MASP1: variants seen among roughly 807,000 people sequenced by gnomAD.
MASP1 encodes the protein MBL associated serine protease 1, also known as mannan-binding lectin serine protease 1.
MASP1 carries 59 observed loss-of-function variants against 77.1 expected under a neutral mutation model. The observed-to-expected ratio is 0.77, with a 90% CI of 0.62 to 0.95. The LOEUF (loss-of-function observed/expected upper bound fraction) is 0.95, where lower values mean the gene tolerates loss of function less well. MASP1 is among the 40% of genes least tolerant of loss of function. MASP1 has a pLI of 0.00. For synonymous variants in MASP1, 362 were observed against 354.5 expected (o/e 1.02, Z -0.24); for missense variants, 885 against 912.9 (o/e 0.97, Z 0.39).
chr3:187,219,656 A>T, exon 16 of MASP1: 1 of 261,106 alleles, frequency 3.8e-6, no homozygotes, highest in South Asian at 4.7e-5. Context: ...CCTGGTAGAC[A>T]CATCGACCTT....
chr3:187,220,770 T>G (rs1579453435), intron 15 of MASP1, among the ~76,000 whole-genome samples: 1 of 152,288 alleles, frequency 6.6e-6, no homozygotes, highest in Non-Finnish European at 1.5e-5. Context: ...AGTGCTGGGA[T>G]TACAGGCATG....
At position 187,281,597 on chromosome 3, in the gene MASP1, G is replaced by A. The variant is rs147664550; in HGVS notation, c.237+4228C>T. On this transcript the variant is annotated intron_variant, in intron 2 of 10. Coordinates refer to ENST00000296280, the MANE Select transcript of MASP1 (RefSeq NM_139125.4). ...CCAAGGCATCCCCAGCAGGCTGCAG[G>A]CTCCTACTGGAGTGCTTGCAGTTAT... 5.5e-4 allele frequency among the ~76,000 whole-genome samples: 84 copies of A among 152,360 alleles called. 2 individuals are homozygous for A. The Middle Eastern group carries it at 0.01, about 19-fold the overall frequency.
intron 8 of MASP1, among the ~76,000 whole-genome samples, chr3:187,248,110 G>A (rs1457786818): frequency 6.6e-6 from 1 of 152,176 alleles, no homozygotes; most frequent in African/African-American, 2.4e-5. Flanking sequence ...AAGATGCTGG[G>A]TATGACTGAA....
At chr3:187,221,918 T>C (rs1326896964) in intron 14 of MASP1, among the ~76,000 whole-genome samples, 1 of 152,186 alleles carries the variant, frequency 6.6e-6, no homozygotes, top group African/African-American at 2.4e-5. Context: ...TTGGAGTAGA[T>C]GTCTGGAATA....
rs1188871705 is a variant in MASP1, at chr3:187,291,706, G to A, written c.-74C>T. ...TGACTTGCCTGTGAGCTCGTGCCCGGTGTGGTGTCCGTGATGCCTTATCTT... is the reference window on the plus strand; with the variant it reads ...TGACTTGCCTGTGAGCTCGTGCCCGATGTGGTGTCCGTGATGCCTTATCTT... On this transcript the variant is annotated 5_prime_UTR_variant, in exon 1 of 11. Coordinates refer to ENST00000296280, the MANE Select transcript of MASP1 (RefSeq NM_139125.4). 2 of 1,582,580 alleles carry A rather than the reference G, an allele frequency of 1.3e-6. No individual in the cohort carries two copies.
Position 187,225,438 on chromosome 3 carries a change from G to A in MASP1, c.1627C>T (p.Gln543Ter), listed in dbSNP as rs371790448. The A allele has an allele frequency of 6.8e-6, 11 of 1,614,090 alleles. No homozygotes were observed. The African/African-American group carries it at 1.3e-4, about 20-fold the overall frequency. ...TTCTCGAATGTGTTGGGATCATACTGGGGGTGGAGAGTGGTGTGTTTGACG... is the reference window on the plus strand; with the variant it reads ...TTCTCGAATGTGTTGGGATCATACTAGGGGTGGAGAGTGGTGTGTTTGACG... Residue 543 changes from glutamine (Q) to a stop codon, truncating the protein, a stop_gained, in exon 13 of 16, where the codon CAG (glutamine) becomes TAG (stop). Coordinates refer to the MASP1 transcript ENST00000337774. LOFTEE classifies it high-confidence loss of function.
rs534053229 is a variant in MASP1, at chr3:187,224,416, G to A, written c.1741+908C>T. ...GGCTGGAGTGCAGTGGCGGGATCTC[G>A]GCTCACTGCAAGCTCCGCCTCCCGG... is the stretch of plus-strand genomic sequence containing the variant. On this transcript the variant is annotated intron_variant, in intron 13 of 15. Coordinates refer to the MASP1 transcript ENST00000337774. 3.1e-4 allele frequency among the ~76,000 whole-genome samples: 45 copies of A among 144,546 alleles called. No homozygotes were observed. In the East Asian group the frequency reaches 6.1e-3, roughly 20 times the overall value. The allele number at this position is 144,546 out of a possible 152,430, so 94.8% of individuals were successfully genotyped here.
In MASP1 at chr3:187,220,496, C is replaced by CTT. The variant is rs376566294; in HGVS notation, c.1910-237_1910-236dup. 2.2e-3 allele frequency among the ~76,000 whole-genome samples: 284 copies of CTT among 127,736 alleles called. 3 individuals carry two copies. Among genetic ancestry groups the CTT allele is most frequent in the East Asian group, 7.5e-3 (32 of 4,266 alleles). The allele number at this position is 127,736 out of a possible 152,430, so 83.8% of individuals were successfully genotyped here. A position where few individuals can be genotyped will look rare whatever the true frequency, so the allele number is the denominator to read the frequency against. ...TTTCTTTTCTTTTTCTTTTTTCTTT[C>CTT]TTTTTTTTTTTTTTTTTGAGATGGA... On this transcript the variant is annotated intron_variant, in intron 15 of 15. Coordinates refer to the MASP1 transcript ENST00000337774.
intron 2 of MASP1, among the ~76,000 whole-genome samples, chr3:187,277,667 G>A (rs1717069888): frequency 6.6e-6 from 1 of 152,192 alleles, no homozygotes. Context: ...AGTTAGAAGA[G>A]CAGGGATTCA....
At chr3:187,245,792 C>A (rs753410675) in intron 8 of MASP1, among the ~76,000 whole-genome samples, 3 of 152,232 alleles carry the variant, frequency 2.0e-5, no homozygotes, top group Non-Finnish European at 4.4e-5. Context: ...ACACCCTTCT[C>A]TTTCCCCTTG....
rs1713023254 is a variant in MASP1, at chr3:187,234,986, T to C, written c.*698A>G. The C allele has an allele frequency of 2.3e-6, 3 of 1,287,254 alleles. No individual in the cohort carries two copies. In the African/African-American group the frequency reaches 4.6e-5, roughly 20 times the overall value. The allele number at this position is 1,287,254 out of a possible 1,614,324, so 79.7% of individuals were successfully genotyped here. ...GGCTTGGTGGGCCTCCCACGGCTAT[T>C]CTGCTCCCAGCAGTCAGCACAAACC... is the stretch of plus-strand genomic sequence containing the variant. On this transcript the variant is annotated 3_prime_UTR_variant, in exon 11 of 11. Transcript: ENST00000296280.
intron 8 of MASP1, among the ~76,000 whole-genome samples, chr3:187,245,479 C>A (rs1665117066): frequency 6.6e-6 from 1 of 152,078 alleles, no homozygotes; most frequent in Non-Finnish European, 1.5e-5. Flanking sequence ...AGTAACTTTG[C>A]CCACTGATAC....
At chr3:187,226,123 A>G (rs1235176441) in intron 12 of MASP1, 2 of 455,362 alleles carry the variant, frequency 4.4e-6, no homozygotes, top group East Asian at 4.5e-5. Flanking sequence ...TCTATTTGAA[A>G]CCACAGGTTC....
At chr3:187,261,720 A>G (rs572436522) in intron 3 of MASP1, among the ~76,000 whole-genome samples, 70 of 152,348 alleles carry the variant, frequency 4.6e-4, no homozygotes, top group Admixed American at 2.2e-3. Flanking sequence ...CTTCTCTTAC[A>G]TATTTACTCA....
At chr3:187,270,926 C>T (rs1340484398) in intron 2 of MASP1, among the ~76,000 whole-genome samples, 1 of 152,044 alleles carries the variant, frequency 6.6e-6, no homozygotes, top group Non-Finnish European at 1.5e-5. Flanking sequence ...GCAAAAGGAC[C>T]ATCTCATTGG....
At chr3:187,260,977 T>C (rs578080548) in intron 3 of MASP1, 105 bp from the exon 4 acceptor site, 144 of 1,270,922 alleles carry the variant, frequency 1.1e-4, no homozygotes, top group Admixed American at 5.8e-4. Context: ...GTTAGGAGAT[T>C]CATGCGTTCT....
chr3:187,284,609 G>A (rs1717698179), intron 2 of MASP1, among the ~76,000 whole-genome samples: 1 of 152,222 alleles, frequency 6.6e-6, no homozygotes, highest in African/African-American at 2.4e-5. Context: ...CGGAAGCACA[G>A]TGCCTTTGTA....
In MASP1 at chr3:187,281,496, G is replaced by C. The variant is rs547935747; in HGVS notation, c.237+4329C>G. Among the ~76,000 whole-genome samples the C allele has an allele frequency of 2.6e-5, 4 of 152,336 alleles. No homozygotes were observed. In the South Asian group the frequency reaches 6.2e-4, roughly 24 times the overall value. On this transcript the variant is annotated intron_variant, in intron 2 of 10. Transcript: ENST00000296280. Reference sequence around the variant, plus strand: ...GGGAATTTTATCCTGTCAAAGGCAAGTCAGTGATATTTTAAGTTTCTTGGT... The same window carrying C: ...GGGAATTTTATCCTGTCAAAGGCAACTCAGTGATATTTTAAGTTTCTTGGT...
At chr3:187,256,500 TCTAA>T in intron 5 of MASP1, 160 bp downstream of exon 5, 1 of 722,880 alleles carries the variant, frequency 1.4e-6, no homozygotes, top group African/African-American at 1.7e-5. Context: ...CTGGAATAGA[TCTAA>T]CTAAGATGGT....
Sources: gnomAD v4.1 joint callset for allele counts (sites outside exome capture counted in the v4.1 genomes callset) on GRCh38, gnomAD v4.1.1 for gene constraint, MANE v1.5 for transcripts, NCBI Gene and HGNC (gene_info 2026-07-23, HGNC 2026-07-21) for gene names.